Variants in MVB12B observed in about 807,000 individuals in gnomAD.
MVB12B encodes the protein ESCRT-I complex subunit MVB12B.
MVB12B carries 16 observed loss-of-function variants against 41.6 expected under a neutral mutation model. That is an observed-to-expected ratio of 0.38 (90% CI 0.26 to 0.58). The LOEUF (loss-of-function observed/expected upper bound fraction) is 0.58. Among genes scored for constraint, MVB12B ranks in the 20% least tolerant of loss-of-function variants. The pLI, the probability that MVB12B is intolerant of heterozygous loss-of-function variation, is 0.62. For missense variants in MVB12B, 274 were observed against 380.2 expected (o/e 0.72, Z 2.32); for synonymous variants, 133 against 139.7 (o/e 0.95, Z 0.34).
rs1216080223 is a variant in MVB12B at position 126,503,308 on chromosome 9, C to T, written c.*45C>T. 2.0e-6 allele frequency: 3 copies of T among 1,478,800 alleles called. No individual in the cohort carries two copies. The South Asian group carries it at 3.6e-5, about 18-fold the overall frequency. The allele number at this position is 1,478,800 out of a possible 1,614,324, so 91.6% of individuals were successfully genotyped here. ...GGGGAGACCACCGCCGCCCAGACTA[C>T]TGACGGCAGGGGCTGCTGCCCCCGC... On this transcript the variant is annotated 3_prime_UTR_variant, in exon 10 of 10. Coordinates refer to ENST00000361171, the MANE Select transcript of MVB12B (RefSeq NM_033446.3).
chr9:126,424,953 CCAAA>C (rs1832130254), intron 7 of MVB12B, among the ~76,000 whole-genome samples: 1 of 152,142 alleles, frequency 6.6e-6, no homozygotes. Context: ...CTTAAATGCC[CCAAA>C]CAAAGACGAA....
chr9:126,490,566 A>G (rs1298122369), intron 9 of MVB12B, among the ~76,000 whole-genome samples: 1 of 152,222 alleles, frequency 6.6e-6, no homozygotes, highest in African/African-American at 2.4e-5. Context: ...GAGGAAGCAC[A>G]CATTAGCCTG....
chr9:126,384,439 A>G (rs1830715335), intron 3 of MVB12B, among the ~76,000 whole-genome samples: 1 of 152,192 alleles, frequency 6.6e-6, no homozygotes, highest in African/African-American at 2.4e-5. Context: ...TTTGGTTCAT[A>G]ATATTTATTA....
intron 7 of MVB12B, among the ~76,000 whole-genome samples, chr9:126,453,792 C>T (rs1237572005): frequency 3.3e-5 from 5 of 152,250 alleles, no homozygotes; most frequent in South Asian, 4.1e-4. Context: ...TATGTGCACA[C>T]ATGACACGTG....
intron 6 of MVB12B, among the ~76,000 whole-genome samples, chr9:126,413,849 T>TGTGTGTGCGC (rs1554776184): frequency 7.5e-4 from 112 of 148,626 alleles, no homozygotes; most frequent in African/African-American, 1.9e-3. Flanking sequence ...TGTGTGTGTG[T>TGTGTGTGCGC]GTGTATAAGG....
intron 7 of MVB12B, among the ~76,000 whole-genome samples, chr9:126,441,686 C>T (rs1832644275): frequency 6.6e-6 from 1 of 151,368 alleles, no homozygotes; most frequent in African/African-American, 2.4e-5. Context: ...ATCTTAATTA[C>T]AAAGCACAAT....
Position 126,326,835 on chromosome 9 carries a change from G to GCCA in MVB12B, c.-93_-92insACC, listed in dbSNP as rs1295219805. 6.8e-6 allele frequency: 1 copy of GCCA among 146,972 alleles called. No individual in the cohort carries two copies. The highest frequency in any genetic ancestry group is 6.9e-5 in the Admixed American group (1 of 14,578). The allele number at this position is 146,972 out of a possible 1,614,324, so 9.1% of individuals were successfully genotyped here. A position where few individuals can be genotyped will look rare whatever the true frequency, so the allele number is the denominator to read the frequency against. ...GCCCCGCCCCTCCGCCGCCGCCGCC[G>GCCA]CCGCCGCCGCTCTCGGTGAGGCTCG... On this transcript the variant is annotated 5_prime_UTR_variant, in exon 1 of 10. Transcript: ENST00000361171.
intron 2 of MVB12B, among the ~76,000 whole-genome samples, chr9:126,353,068 T>C (rs1191308299): frequency 6.6e-6 from 1 of 152,094 alleles, no homozygotes; most frequent in Non-Finnish European, 1.5e-5. Context: ...GAGATGAGGA[T>C]TGTGGCTGGT....
chr9:126,457,417 C>T (rs1430325451), intron 7 of MVB12B, among the ~76,000 whole-genome samples: 4 of 152,338 alleles, frequency 2.6e-5, no homozygotes, highest in African/African-American at 7.2e-5. Context: ...CACTGAGGCA[C>T]GCCTGCTCCA....
chr9:126,380,977 G>A, intron 2 of MVB12B, 87 bp from the exon 3 acceptor site: 1 of 925,244 alleles, frequency 1.1e-6, no homozygotes, highest in Non-Finnish European at 1.7e-6. Flanking sequence ...GGTGTTAATT[G>A]GAACAGGCGT....
At chr9:126,462,931 C>T (rs1355242320) in intron 7 of MVB12B, among the ~76,000 whole-genome samples, 2 of 152,240 alleles carry the variant, frequency 1.3e-5, no homozygotes, top group African/African-American at 4.8e-5. Flanking sequence ...GATCTGAAAT[C>T]TGGGTAATTG....
chr9:126,394,037 G>A (rs957183521), intron 5 of MVB12B, among the ~76,000 whole-genome samples: 4 of 152,212 alleles, frequency 2.6e-5, no homozygotes, highest in Admixed American at 2.0e-4. Context: ...ACCTCGGTGG[G>A]TGTTCAGCTC....
chr9:126,483,866 G>T (rs982921191), intron 8 of MVB12B, 107 bp from the exon 9 acceptor site: 1 of 1,162,400 alleles, frequency 8.6e-7, no homozygotes, highest in East Asian at 2.4e-5. Flanking sequence ...GTAGAGAAAC[G>T]CTAGATCACA....
chr9:126,438,403 C>CAA (rs58706231), intron 7 of MVB12B, among the ~76,000 whole-genome samples: 8 of 144,952 alleles, frequency 5.5e-5, no homozygotes, highest in Non-Finnish European at 7.6e-5. Context: ...GTAAAGTATC[C>CAA]AAAAAAAAAA....
At chr9:126,481,029 C>T in intron 7 of MVB12B, 1 of 290,682 alleles carries the variant, frequency 3.4e-6, no homozygotes, top group East Asian at 7.3e-5. Context: ...CATCCTGCTG[C>T]CAGCCCCTGG....
intron 2 of MVB12B, among the ~76,000 whole-genome samples, chr9:126,378,072 C>G (rs1830529191): frequency 6.6e-6 from 1 of 152,222 alleles, no homozygotes; most frequent in Non-Finnish European, 1.5e-5. Flanking sequence ...AAGTCTGCCT[C>G]TGAACTCCAT....
intron 9 of MVB12B, among the ~76,000 whole-genome samples, chr9:126,500,122 C>T (rs949528564): frequency 6.6e-6 from 1 of 152,180 alleles, no homozygotes; most frequent in African/African-American, 2.4e-5. Flanking sequence ...GCTGCAATCG[C>T]CCTTAACCTG....
chr9:126,481,501 C>T (rs1833521478), intron 8 of MVB12B, 77 bp downstream of exon 8: 11 of 1,089,222 alleles, frequency 1.0e-5, no homozygotes, highest in South Asian at 2.5e-5. Context: ...TTACACAGCA[C>T]GCAGGGCTGT....
At chr9:126,338,914 G>A (rs998747426) in intron 1 of MVB12B, among the ~76,000 whole-genome samples, 3 of 152,200 alleles carry the variant, frequency 2.0e-5, no homozygotes, top group African/African-American at 4.8e-5. Context: ...ACTAAGCCCT[G>A]TGTTTTATGC....
Sources: gnomAD v4.1 joint callset for allele counts (sites outside exome capture counted in the v4.1 genomes callset) on GRCh38, gnomAD v4.1.1 for gene constraint, MANE v1.5 for transcripts, NCBI Gene and HGNC (gene_info 2026-07-23, HGNC 2026-07-21) for gene names.